The following SCRN1 variants were observed in gnomAD, a reference collection of about 807,000 sequenced individuals.
SCRN1 encodes secernin 1.
Under a neutral mutation model 43.3 loss-of-function variants are expected in SCRN1, and 19 were observed. The ratio of observed to expected loss-of-function variants is 0.44; its 90% CI spans 0.31 to 0.64. The LOEUF is 0.64. SCRN1 is among the 30% of genes least tolerant of loss of function. The pLI, the probability that SCRN1 is intolerant of heterozygous loss-of-function variation, is 0.09. For synonymous variants in SCRN1, 183 were observed against 188.9 expected, an observed-to-expected ratio of 0.97 and a Z score of 0.26; for missense variants, 447 against 524.1, an observed-to-expected ratio of 0.85 and a Z score of 1.44.
rs141188167 is a variant in SCRN1 at position 29,976,862 on chromosome 7, C to A, written c.-1-7794G>T. Among the ~76,000 whole-genome samples the A allele has an allele frequency of 1.1e-4, 16 of 152,326 alleles. No homozygotes were observed. In the East Asian group the frequency reaches 3.1e-3, roughly 29 times the overall value. On this transcript the variant is annotated intron_variant, in intron 1 of 7. Transcript: ENST00000242059. Reference sequence around the variant, plus strand: ...TGGTGGCAGGAGGCCCAAGTTCAGGCTTGAGGGACTGGAGTACTGTACTCT... The same window carrying A: ...TGGTGGCAGGAGGCCCAAGTTCAGGATTGAGGGACTGGAGTACTGTACTCT...
At chr7:29,960,934 T>G (rs973493316) in intron 2 of SCRN1, among the ~76,000 whole-genome samples, 2 of 152,008 alleles carry the variant, frequency 1.3e-5, no homozygotes, top group African/African-American at 4.8e-5. Context: ...TTAAAAGCCC[T>G]GAATACACAA....
intron 6 of SCRN1, among the ~76,000 whole-genome samples, chr7:29,933,027 C>T (rs1018142523): frequency 1.3e-4 from 20 of 152,172 alleles, no homozygotes; most frequent in African/African-American, 4.8e-4. Context: ...CAGGCGTGCA[C>T]CACCACGCCT....
chr7:29,989,509 C>G lies in SCRN1; in HGVS notation c.-2+133G>C, dbSNP rs923368978. 3.1e-6 allele frequency: 3 copies of G among 976,026 alleles called. No homozygotes were observed. In the African/African-American group the frequency reaches 5.3e-5, roughly 17 times the overall value. 60.5% of individuals were successfully genotyped at this position (976,026 alleles called of 1,614,324 possible). A position where few individuals can be genotyped will look rare whatever the true frequency, so the allele number is the denominator to read the frequency against. On this transcript the variant is annotated intron_variant, in intron 1 of 7. Coordinates refer to ENST00000242059, the MANE Select transcript of SCRN1 (RefSeq NM_014766.5). Reference sequence around the variant, plus strand: ...GCCCGGGCCAGCACCGGGAATCGGCCTGGGGTAACGCTACCCGCGGGTTCG... The same window carrying G: ...GCCCGGGCCAGCACCGGGAATCGGCGTGGGGTAACGCTACCCGCGGGTTCG...
At chr7:29,938,309 G>A (rs1787410391) in intron 5 of SCRN1, among the ~76,000 whole-genome samples, 1 of 152,180 alleles carries the variant, frequency 6.6e-6, no homozygotes, top group Non-Finnish European at 1.5e-5. Context: ...TGGGAGTGCG[G>A]GCATGAGCCA....
At position 29,921,367 on chromosome 7, in the gene SCRN1, A is replaced by G. The variant is rs1786750788; in HGVS notation, c.*2590T>C. The G allele has an allele frequency of 6.6e-6, 1 of 152,268 alleles. No individual in the cohort carries two copies. The highest frequency in any genetic ancestry group is 1.5e-5 in the Non-Finnish European group (1 of 68,038). 9.4% of individuals were successfully genotyped at this position (152,268 alleles called of 1,614,324 possible). A position where few individuals can be genotyped will look rare whatever the true frequency, so the allele number is the denominator to read the frequency against. On this transcript the variant is annotated 3_prime_UTR_variant, in exon 8 of 8. Transcript: ENST00000242059. Reference sequence around the variant, plus strand: ...GCATTTTTCAAAAGCAAAATCTGTTAGGAACATTTAAAAATGAACATTCCT... The same window carrying G: ...GCATTTTTCAAAAGCAAAATCTGTTGGGAACATTTAAAAATGAACATTCCT...
intron 3 of SCRN1, among the ~76,000 whole-genome samples, chr7:29,946,322 G>A (rs1033324887): frequency 6.6e-6 from 1 of 152,230 alleles, no homozygotes; most frequent in Non-Finnish European, 1.5e-5. Context: ...GGTGCTGTGA[G>A]TGCCTCTCAG....
At chr7:29,986,626 A>G (rs749856034) in intron 1 of SCRN1, among the ~76,000 whole-genome samples, 2 of 150,804 alleles carry the variant, frequency 1.3e-5, no homozygotes, top group East Asian at 3.9e-4. Flanking sequence ...AATTGCATGC[A>G]TTTCTGTATT....
chr7:29,969,787 T>A, intron 1 of SCRN1: 1 of 456,134 alleles, frequency 2.2e-6, no homozygotes, highest in Non-Finnish European at 4.4e-6. Flanking sequence ...CACATTTAAT[T>A]CCAGCTGGGT....
intron 2 of SCRN1, among the ~76,000 whole-genome samples, chr7:29,963,044 TAA>T (rs202064752): frequency 2.1e-5 from 3 of 140,368 alleles, no homozygotes; most frequent in Admixed American, 7.2e-5. Context: ...GTCAATTCTT[TAA>T]AAAAAAAAAA....
At chr7:29,939,828 T>C (rs77088219) in intron 5 of SCRN1, among the ~76,000 whole-genome samples, 1 of 152,142 alleles carries the variant, frequency 6.6e-6, no homozygotes, top group Non-Finnish European at 1.5e-5. Flanking sequence ...AGTCGCCACA[T>C]ATACCTAAAC....
intron 2 of SCRN1, among the ~76,000 whole-genome samples, chr7:29,964,993 G>A (rs1369070424): frequency 6.6e-6 from 1 of 152,002 alleles, no homozygotes; most frequent in African/African-American, 2.4e-5. Context: ...TGGCTCATCA[G>A]TTGTAGCGAA....
rs1787877905 is a variant in SCRN1, at chr7:29,950,294, A to T, written c.341+4885T>A. Among the ~76,000 whole-genome samples the T allele has an allele frequency of 6.6e-6, 1 of 152,140 alleles. No individual in the cohort carries two copies. Among genetic ancestry groups the T allele is most frequent in the South Asian group, 2.1e-4 (1 of 4,830 alleles). On this transcript the variant is annotated intron_variant, in intron 3 of 7. Transcript: ENST00000242059. The surrounding 1 kb of genome is among the most constrained non-coding windows in gnomAD (Gnocchi z 4.5). ...TGTGCACATGCTTAGGGTGGTGCTGACACACCAGCCCCCTGCCGCCTCGGG... is the reference window on the plus strand; with the variant it reads ...TGTGCACATGCTTAGGGTGGTGCTGTCACACCAGCCCCCTGCCGCCTCGGG...
rs192147570 is a variant in SCRN1, at chr7:29,974,190, C to A, written c.-1-5122G>T. ...CCCAGAAATGATTTTTAAAGTAAAC[C>A]CAGGAGAGAATAGCAATTTAGGAAT... On this transcript the variant is annotated intron_variant, in intron 1 of 7. Transcript: ENST00000242059. Among the ~76,000 whole-genome samples, 50 of 152,046 alleles carry A rather than the reference C, an allele frequency of 3.3e-4. 1 individual carries two copies. The East Asian group carries it at 9.3e-3, about 28-fold the overall frequency.
chr7:29,967,644 C>T (rs1583687824), intron 2 of SCRN1, among the ~76,000 whole-genome samples: 1 of 152,178 alleles, frequency 6.6e-6, no homozygotes, highest in African/African-American at 2.4e-5. Flanking sequence ...CCACTCAGGT[C>T]AGGTGCAGAG....
intron 1 of SCRN1, chr7:29,969,826 C>A (rs1788612695): frequency 2.2e-6 from 1 of 456,204 alleles, no homozygotes; most frequent in Admixed American, 2.3e-5. Context: ...ACCCACAGAC[C>A]CAGCTGCCTG....
At chr7:29,936,158 T>C (rs1162401053) in intron 6 of SCRN1, among the ~76,000 whole-genome samples, 1 of 152,226 alleles carries the variant, frequency 6.6e-6, no homozygotes. Flanking sequence ...TTTTGATAAA[T>C]CATGAGCATT....
intron 7 of SCRN1, among the ~76,000 whole-genome samples, chr7:29,925,072 T>A (rs1302159166): frequency 6.6e-6 from 1 of 152,102 alleles, no homozygotes. Flanking sequence ...TACTTGGGGC[T>A]TATGGTCATC....
At chr7:29,990,138 C>G (rs982493001), upstream of SCRN1, 3 of 1,551,368 alleles carry the variant, frequency 1.9e-6, no homozygotes, top group African/African-American at 4.1e-5. Flanking sequence ...GTCCGGGCCT[C>G]GGCGCCCACA....
At chr7:29,951,470 T>A (rs1562811689) in intron 3 of SCRN1, among the ~76,000 whole-genome samples, 1 of 152,198 alleles carries the variant, frequency 6.6e-6, no homozygotes, top group Non-Finnish European at 1.5e-5. Flanking sequence ...CCACAGAGGT[T>A]TCCGGCTGGA....
Sources: allele counts gnomAD v4.1 joint callset (sites outside exome capture counted in the v4.1 genomes callset), GRCh38; gene constraint gnomAD v4.1.1; non-coding constraint Gnocchi (gnomAD v3.1); transcripts MANE v1.5; gene names NCBI Gene and HGNC (gene_info 2026-07-23, HGNC 2026-07-21).